The following PARVA variants were observed in gnomAD, a reference collection of about 807,000 sequenced individuals.
PARVA encodes the protein parvin alpha.
Under a neutral mutation model 52.6 loss-of-function variants are expected in PARVA, and 25 were observed. The ratio of observed to expected loss-of-function variants is 0.48; its 90% CI spans 0.35 to 0.66. PARVA has a LOEUF of 0.66. Among genes scored for constraint, PARVA ranks in the 30% least tolerant of loss-of-function variants. The pLI is 0.01. For missense variants in PARVA, 373 were observed against 450.9 expected (o/e 0.83, Z 1.56); for synonymous variants, 185 against 179.1 (o/e 1.03, Z -0.26).
intron 1 of PARVA, among the ~76,000 whole-genome samples, chr11:12,447,452 C>T (rs542607258): frequency 2.6e-5 from 4 of 152,254 alleles, no homozygotes; most frequent in African/African-American, 4.8e-5. Context: ...AGCGCCTTGC[C>T]GAGCCCCGAG....
At chr11:12,414,872 G>A (rs935690430) in intron 1 of PARVA, among the ~76,000 whole-genome samples, 2 of 152,176 alleles carry the variant, frequency 1.3e-5, no homozygotes, top group African/African-American at 4.8e-5. Context: ...TCTAATTAGT[G>A]GGCCTGGTGG....
At chr11:12,427,185 G>A (rs1339988982) in intron 1 of PARVA, among the ~76,000 whole-genome samples, 1 of 152,156 alleles carries the variant, frequency 6.6e-6, no homozygotes, top group Non-Finnish European at 1.5e-5. Flanking sequence ...TATTATAAAA[G>A]AAATCTGTCA....
intron 5 of PARVA, among the ~76,000 whole-genome samples, chr11:12,503,802 C>T (rs1941392551): frequency 6.6e-6 from 1 of 152,134 alleles, no homozygotes; most frequent in South Asian, 2.1e-4. Flanking sequence ...CCCTGACCCT[C>T]AGGCATGGTA....
chr11:12,504,943 C>T (rs1328725576), intron 6 of PARVA, among the ~76,000 whole-genome samples: 1 of 152,060 alleles, frequency 6.6e-6, no homozygotes, highest in East Asian at 1.9e-4. Context: ...AGAGAGACCC[C>T]AACTGGCCAT....
At chr11:12,394,945 C>T (rs138934843) in intron 1 of PARVA, among the ~76,000 whole-genome samples, 1 of 151,658 alleles carries the variant, frequency 6.6e-6, no homozygotes, top group African/African-American at 2.4e-5. Context: ...TACAAAATTA[C>T]CTGGGCGTGG....
chr11:12,459,614 G>A (rs939125045), intron 1 of PARVA, among the ~76,000 whole-genome samples: 23 of 152,054 alleles, frequency 1.5e-4, no homozygotes, highest in Admixed American at 1.0e-3. Flanking sequence ...CAACAGTTAC[G>A]GAATGGTTAT....
At chr11:12,393,541 C>G (rs1360575090) in intron 1 of PARVA, among the ~76,000 whole-genome samples, 1 of 152,146 alleles carries the variant, frequency 6.6e-6, no homozygotes, top group African/African-American at 2.4e-5. Flanking sequence ...CCCCTTTCAT[C>G]TTATGGCTCT....
intron 1 of PARVA, among the ~76,000 whole-genome samples, chr11:12,394,906 A>G (rs898871441): frequency 2.0e-5 from 3 of 152,120 alleles, no homozygotes; most frequent in Non-Finnish European, 4.4e-5. Context: ...AGCCTGACCA[A>G]CATGGTGAAA....
At chr11:12,513,394 A>C in intron 9 of PARVA, 34 bp downstream of exon 9, 1 of 1,579,684 alleles carries the variant, frequency 6.3e-7, no homozygotes, top group Non-Finnish European at 8.7e-7. Flanking sequence ...GACAGAGGGA[A>C]GCGAGATGCA....
At position 12,511,640 on chromosome 11, in the gene PARVA, G is replaced by T. The variant is rs190940263; in HGVS notation, c.736+107G>T. The T allele has an allele frequency of 9.4e-5, 112 of 1,193,736 alleles. No individual in the cohort carries two copies. In the East Asian group the frequency reaches 1.1e-3, roughly 12 times the overall value. The allele number at this position is 1,193,736 out of a possible 1,614,324, so 73.9% of individuals were successfully genotyped here. A position where few individuals can be genotyped will look rare whatever the true frequency, so the allele number is the denominator to read the frequency against. On this transcript the variant is annotated intron_variant, in intron 8 of 12. Transcript: ENST00000334956. ...CTCTCAGCTTGTCACCTGGATATAC[G>T]TCTTCACCAGCCTGGGTGACATGGC...
intron 1 of PARVA, among the ~76,000 whole-genome samples, chr11:12,437,765 C>T (rs1036855600): frequency 2.6e-5 from 4 of 152,136 alleles, no homozygotes; most frequent in Non-Finnish European, 5.9e-5. Context: ...TCAGGTTGAG[C>T]AGCCCATGTG....
chr11:12,472,125 G>A (rs1293273750), intron 1 of PARVA, among the ~76,000 whole-genome samples: 1 of 152,184 alleles, frequency 6.6e-6, no homozygotes. Context: ...TTAAGCCAGG[G>A]ATGTCCAATC....
intron 1 of PARVA, among the ~76,000 whole-genome samples, chr11:12,441,312 T>C (rs772853753): frequency 6.6e-6 from 1 of 152,104 alleles, no homozygotes; most frequent in Non-Finnish European, 1.5e-5. Context: ...CCAAAAATAA[T>C]GAAAATTTTT....
intron 12 of PARVA, among the ~76,000 whole-genome samples, chr11:12,520,767 T>G (rs571088096): frequency 6.6e-6 from 1 of 151,618 alleles, no homozygotes; most frequent in African/African-American, 2.4e-5. Flanking sequence ...CTGGGCAACA[T>G]AGTGAGACCC....
chr11:12,505,914 A>G (rs1447459436), intron 6 of PARVA, among the ~76,000 whole-genome samples: 1 of 152,228 alleles, frequency 6.6e-6, no homozygotes, highest in Non-Finnish European at 1.5e-5. Context: ...ATTTTTAGGT[A>G]CATGTCACTA....
chr11:12,410,197 G>C (rs1939974091), intron 1 of PARVA, among the ~76,000 whole-genome samples: 1 of 152,202 alleles, frequency 6.6e-6, no homozygotes. Context: ...GGCCACCCAG[G>C]CCCCCGGGAC....
rs543485494 is a variant in PARVA at position 12,439,267 on chromosome 11, G to A, written c.137-34478G>A. Among the ~76,000 whole-genome samples the A allele has an allele frequency of 3.4e-4, 51 of 152,224 alleles. No homozygotes were observed. The South Asian group carries it at 0.011, about 32-fold the overall frequency. ...GAAGGGGACAACTCCTTGGCCAGTG[G>A]TTCTACTAATTCTTCCCCCAAACGA... On this transcript the variant is annotated intron_variant, in intron 1 of 12. Transcript: ENST00000334956.
At chr11:12,406,562 C>A (rs1021685124) in intron 1 of PARVA, among the ~76,000 whole-genome samples, 1 of 149,686 alleles carries the variant, frequency 6.7e-6, no homozygotes, top group African/African-American at 2.5e-5. Context: ...AAACGTTCTA[C>A]AAGAATTTGA....
intron 1 of PARVA, among the ~76,000 whole-genome samples, chr11:12,425,468 C>T (rs1940218111): frequency 6.6e-6 from 1 of 152,164 alleles, no homozygotes. Context: ...ACCTTGATCT[C>T]CTCATTGCCT....
Sources: gnomAD v4.1 joint callset for allele counts (sites outside exome capture counted in the v4.1 genomes callset) on GRCh38, gnomAD v4.1.1 for gene constraint, MANE v1.5 for transcripts, NCBI Gene and HGNC (gene_info 2026-07-23, HGNC 2026-07-21) for gene names.